The following SIGLEC1 variants were observed in gnomAD, a reference collection of about 807,000 sequenced individuals.
The protein encoded by SIGLEC1 is sialic acid binding Ig like lectin 1.
A neutral mutation model predicts 148.0 loss-of-function variants in SIGLEC1; 132 were observed. The observed-to-expected ratio is 0.89, with a 90% CI of 0.77 to 1.03. SIGLEC1 has a LOEUF of 1.03. Ranked by LOEUF, SIGLEC1 falls within the 50% of genes least tolerant of loss-of-function variation. The probability of loss-of-function intolerance (pLI) is 0.00; values close to 1 mark genes in which losing one functional copy is unlikely to be tolerated. For synonymous variants in SIGLEC1, 945 were observed against 969.0 expected, an observed-to-expected ratio of 0.98 and a Z score of 0.46; for missense variants, 2,253 against 2,271.4, an observed-to-expected ratio of 0.99 and a Z score of 0.16.
rs200350403 is a variant in SIGLEC1, at chr20:3,694,815, T to G, written c.2792A>C (p.Tyr931Ser). 2 of 1,613,542 alleles carry G rather than the reference T, an allele frequency of 1.2e-6. No homozygotes were observed. Among genetic ancestry groups the G allele is most frequent in the Non-Finnish European group, 1.7e-6 (2 of 1,179,978 alleles). ...CTCCTGGAGGGGCTGGCCATCCCGA[T>G]ACCAACGATATGAGGTCCCCTCTGG... Reference protein sequence around the residue: ...GVPEGTSYRWYRDGQPLQEST... With the variant: ...GVPEGTSYRWSRDGQPLQEST... The change falls in exon 12 of 22, where the codon TAT becomes TCT. Residue 931 changes from tyrosine to serine, a missense_variant. Transcript: ENST00000344754.
At position 3,706,375 on chromosome 20, in the gene SIGLEC1, A is replaced by G. The variant is rs371966276; in HGVS notation, c.381T>C (p.Asp127=). Residue 127 remains aspartate (D), a synonymous_variant, in exon 3 of 22, where the codon GAT becomes GAC. Transcript: ENST00000344754. Reference sequence around the variant, plus strand: ...TTACTGTGACCAAGGTGCCTTTCACATCTGACCAGCGGTTGACCTCACTGA... The same window carrying G: ...TTACTGTGACCAAGGTGCCTTTCACGTCTGACCAGCGGTTGACCTCACTGA... ...FEISEVNRWS[D]VKGTLVTVTE... 8.2e-5 allele frequency: 133 copies of G among 1,613,272 alleles called. No individual in the cohort carries two copies. The highest frequency in any genetic ancestry group is 1.1e-4 in the Non-Finnish European group (126 of 1,179,666).
Position 3,705,830 on chromosome 20 carries a change from G to A in SIGLEC1, c.620C>T (p.Ser207Phe), listed in dbSNP as rs1217703560. 1 of 1,614,008 alleles carries A rather than the reference G, an allele frequency of 6.2e-7. No individual in the cohort carries two copies. The highest frequency in any genetic ancestry group is 1.3e-5 in the African/African-American group (1 of 74,958). Reference sequence around the variant, plus strand: ...CAGGATCCGGCCGTGGTCCTGCCAGGACATGGCCATGTGGAGGGTCTCCAG... The same window carrying A: ...CAGGATCCGGCCGTGGTCCTGCCAGAACATGGCCATGTGGAGGGTCTCCAG... Reference protein sequence around the residue: ...GHLETLHMAMSWQDHGRILRC... With the variant: ...GHLETLHMAMFWQDHGRILRC... Residue 207 changes from serine to phenylalanine, a missense_variant, in exon 4 of 22, where the codon TCC (serine) becomes TTC (phenylalanine). By Grantham distance (155) the Ser-to-Phe change is radical. Transcript: ENST00000344754.
Position 3,710,044 on chromosome 20 carries a change from A to G in SIGLEC1, c.-110+2426T>C, listed in dbSNP as rs148857101. On this transcript the variant is annotated intron_variant, in intron 1 of 21. Transcript: ENST00000344754. The surrounding 1 kb of genome is among the most constrained non-coding windows in gnomAD (Gnocchi z 4.6). ...CACTTAAAGACAGTTAAAACAGTAAATTTTACATTATGTATATTTCACCAC... is the reference window on the plus strand; with the variant it reads ...CACTTAAAGACAGTTAAAACAGTAAGTTTTACATTATGTATATTTCACCAC... Among the ~76,000 whole-genome samples the G allele has an allele frequency of 2.0e-5, 3 of 152,296 alleles. No individual in the cohort carries two copies. The highest frequency in any genetic ancestry group is 7.2e-5 in the African/African-American group (3 of 41,544).
chr20:3,689,907 TA>T, intron 19 of SIGLEC1, 54 bp downstream of exon 19: 1 of 1,484,040 alleles, frequency 6.7e-7, no homozygotes, highest in Non-Finnish European at 9.3e-7. Flanking sequence ...CCTTTGGGCC[TA>T]AGAGCTGGGC....
At chr20:3,695,214 T>G (rs992276454) in intron 11 of SIGLEC1, among the ~76,000 whole-genome samples, 1 of 152,230 alleles carries the variant, frequency 6.6e-6, no homozygotes, top group East Asian at 1.9e-4. Context: ...ACTGGACTTG[T>G]GTGACCTGTA....
At chr20:3,695,677 A>G (rs1040073237) in intron 11 of SIGLEC1, among the ~76,000 whole-genome samples, 3 of 152,212 alleles carry the variant, frequency 2.0e-5, no homozygotes, top group African/African-American at 7.2e-5. Context: ...AAGTAAGAAA[A>G]GATACACAGA....
intron 17 of SIGLEC1, 39 bp downstream of exon 17, chr20:3,691,864 A>G: frequency 6.5e-7 from 1 of 1,539,336 alleles, no homozygotes; most frequent in Non-Finnish European, 8.8e-7. Flanking sequence ...TGGACCTGAG[A>G]GCATCAGAGC....
At position 3,693,671 on chromosome 20, in the gene SIGLEC1, G is replaced by A. The variant is rs879221226; in HGVS notation, c.3284C>T (p.Ala1095Val). ...CACCAGCTGCCCCTCCCGCACGGTA[G>A]CCCCGGGCCACACCTGCACATTCAC... is the stretch of plus-strand genomic sequence containing the variant. ...QAVNVQVWPG[A>V]TVREGQLVNL... The change falls in exon 14 of 22, where the codon GCT (alanine) becomes GTT (valine). Residue 1095 changes from alanine to valine, a missense_variant. Physicochemically the swap from Ala to Val is moderately conservative, Grantham distance 64. Coordinates refer to ENST00000344754, the MANE Select transcript of SIGLEC1 (RefSeq NM_023068.4). The A allele has an allele frequency of 1.3e-6, 2 of 1,599,862 alleles. No homozygotes were observed. The highest frequency in any genetic ancestry group is 2.3e-5 in the South Asian group (2 of 88,166).
At chr20:3,700,349 C>A (rs2087840935) in intron 7 of SIGLEC1, among the ~76,000 whole-genome samples, 1 of 151,888 alleles carries the variant, frequency 6.6e-6, no homozygotes, top group Non-Finnish European at 1.5e-5. Flanking sequence ...AGCTCCTGAC[C>A]TCAGGTGATC....
chr20:3,696,440 A>T, intron 11 of SIGLEC1, 146 bp downstream of exon 11: 1 of 468,224 alleles, frequency 2.1e-6, no homozygotes. Flanking sequence ...AGGCAAAGGG[A>T]GGCCTTCTGC....
At chr20:3,693,383 T>C (rs2146520681) in intron 14 of SIGLEC1, 64 bp downstream of exon 14, 1 of 1,502,408 alleles carries the variant, frequency 6.7e-7, no homozygotes, top group Non-Finnish European at 8.9e-7. Flanking sequence ...GTTCCGGCCA[T>C]GCCGTGATCC....
rs1016611340 is a variant in SIGLEC1, at chr20:3,710,832, C to T, written c.-110+1638G>A. Among the ~76,000 whole-genome samples, 14 of 152,262 alleles carry T rather than the reference C, an allele frequency of 9.2e-5. No homozygotes were observed. Among genetic ancestry groups the T allele is most frequent in the Non-Finnish European group, 5.9e-5 (4 of 68,050 alleles). On this transcript the variant is annotated intron_variant, in intron 1 of 21. Transcript: ENST00000344754. This position sits in a 1 kb window ranked among gnomAD's most constrained non-coding sequence, Gnocchi z 4.6. Reference sequence around the variant, plus strand: ...TCACATAATGTAGAGGCCACCTATGCTTAGCCCGGCCCTAACCCCAAAGGG... The same window carrying T: ...TCACATAATGTAGAGGCCACCTATGTTTAGCCCGGCCCTAACCCCAAAGGG...
chr20:3,696,141 AACAC>A (rs71195853), intron 11 of SIGLEC1, among the ~76,000 whole-genome samples: 27 of 145,188 alleles, frequency 1.9e-4, no homozygotes, highest in Non-Finnish European at 3.5e-4. Flanking sequence ...CACACACACA[AACAC>A]ACACACACAC....
chr20:3,710,707 G>A lies in SIGLEC1; in HGVS notation c.-110+1763C>T, dbSNP rs528372421. ...CCCTGTTCCTCCCATTTGGGGTCCT[G>A]AAAAGGGCAATCGTGAACCTGATGG... On this transcript the variant is annotated intron_variant, in intron 1 of 21. Coordinates refer to ENST00000344754, the MANE Select transcript of SIGLEC1 (RefSeq NM_023068.4). This position sits in a 1 kb window ranked among gnomAD's most constrained non-coding sequence, Gnocchi z 4.6. 1.3e-5 allele frequency among the ~76,000 whole-genome samples: 2 copies of A among 152,302 alleles called. No homozygotes were observed. The highest frequency in any genetic ancestry group is 3.9e-4 in the East Asian group (2 of 5,178).
rs1234913915 is a variant in SIGLEC1 at position 3,690,038 on chromosome 20, G to A, written c.4818C>T (p.Ser1606=). The A allele has an allele frequency of 1.9e-6, 3 of 1,612,824 alleles. No individual in the cohort carries two copies. Among genetic ancestry groups the A allele is most frequent in the South Asian group, 1.1e-5 (1 of 90,838 alleles). ...CAGAACAGATGTATTCCCCTTGGTC[G>A]CTGGGCCTCAGCGCCTCGATGTCCA... ...LRVDIEALRP[S]DQGEYICSAS... Residue 1606 remains serine (S), a synonymous_variant, in exon 19 of 22, where the codon AGC becomes AGT. Coordinates refer to ENST00000344754, the MANE Select transcript of SIGLEC1 (RefSeq NM_023068.4).
chr20:3,706,786 G>A, intron 2 of SIGLEC1, 80 bp from the exon 3 acceptor site: 1 of 1,444,130 alleles, frequency 6.9e-7, no homozygotes. Flanking sequence ...ACCTGCCCCA[G>A]AGAAGGTGCC....
Position 3,692,637 on chromosome 20 carries a change from G to A in SIGLEC1, c.3914C>T (p.Pro1305Leu), listed in dbSNP as rs771366238. 6.2e-7 allele frequency: 1 copy of A among 1,613,078 alleles called. No individual in the cohort carries two copies. Among genetic ancestry groups the A allele is most frequent in the South Asian group, 1.1e-5 (1 of 91,088 alleles). ...CACCAGGAATGAGAGTGAGGCAGCT[G>A]GACCCTCCTGCAGCCAACGACCGTT... ...YHNGRWLQEG[P>L]AASLSFLVAT... Residue 1305 changes from proline to leucine, a missense_variant, in exon 16 of 22, where the codon CCA becomes CTA. Transcript: ENST00000344754.
In SIGLEC1 at chr20:3,694,832, C is replaced by T. The variant is rs769633466; in HGVS notation, c.2775G>A (p.Gly925=). ...SCQVHTGVPE[G]TSYRWYRDGQ... ...CATCCCGATACCAACGATATGAGGTCCCCTCTGGGACTCCTGTGTGTACCT... is the reference window on the plus strand; with the variant it reads ...CATCCCGATACCAACGATATGAGGTTCCCTCTGGGACTCCTGTGTGTACCT... The change falls in exon 12 of 22, where the codon GGG becomes GGA. Residue 925 remains glycine, a synonymous_variant. Coordinates refer to ENST00000344754, the MANE Select transcript of SIGLEC1 (RefSeq NM_023068.4). The T allele has an allele frequency of 1.2e-6, 2 of 1,613,498 alleles. No homozygotes were observed. The highest frequency in any genetic ancestry group is 1.7e-5 in the Admixed American group (1 of 60,020).
rs996893879 is a variant in SIGLEC1 at position 3,686,984 on chromosome 20, G to A, written c.*1576C>T. 6.6e-6 allele frequency: 1 copy of A among 152,214 alleles called. No individual in the cohort carries two copies. The highest frequency in any genetic ancestry group is 2.4e-5 in the African/African-American group (1 of 41,440). 9.4% of individuals were successfully genotyped at this position (152,214 alleles called of 1,614,324 possible). A position where few individuals can be genotyped will look rare whatever the true frequency, so the allele number is the denominator to read the frequency against. ...ACTCACTCCAGTTGCGTCATAGGAT[G>A]GAGTTTTATTGGGAGGACATTCTGG... is the stretch of plus-strand genomic sequence containing the variant. On this transcript the variant is annotated 3_prime_UTR_variant, in exon 22 of 22. Transcript: ENST00000344754.
Sources: allele counts gnomAD v4.1 joint callset (sites outside exome capture counted in the v4.1 genomes callset), GRCh38; gene constraint gnomAD v4.1.1; non-coding constraint Gnocchi (gnomAD v3.1); transcripts MANE v1.5; gene names NCBI Gene and HGNC (gene_info 2026-07-23, HGNC 2026-07-21).